Variants in POFUT3 observed in about 807,000 individuals in gnomAD.
POFUT3 encodes protein O-fucosyltransferase 3.
the POFUT3 span, among the ~76,000 whole-genome samples, chr8:33,378,439 A>C: frequency 0.021 from 3,208 of 152,200 alleles, 113 homozygotes; most frequent in African/African-American, 0.074. Context: ...GGAGGGGCAT[A>C]AACTCTCCCT....
the POFUT3 span, among the ~76,000 whole-genome samples, chr8:33,393,246 T>C: frequency 6.6e-6 from 1 of 152,210 alleles, no homozygotes; most frequent in Non-Finnish European, 1.5e-5. Flanking sequence ...GTATGTGCAA[T>C]TGGCTCACTA....
chr8:33,465,334 TTC>T, the POFUT3 span, among the ~76,000 whole-genome samples: 7 of 151,888 alleles, frequency 4.6e-5, no homozygotes, highest in Admixed American at 1.3e-4. Context: ...GGTATTATTA[TTC>T]CCAGTTCCCA....
the POFUT3 span, among the ~76,000 whole-genome samples, chr8:33,407,216 G>A: frequency 1.3e-5 from 2 of 152,186 alleles, no homozygotes; most frequent in African/African-American, 2.4e-5. Flanking sequence ...ACAGAAGAAC[G>A]TGTTCTGCTA....
the POFUT3 span, chr8:33,372,777 C>T: frequency 1.9e-6 from 3 of 1,614,008 alleles, no homozygotes; most frequent in East Asian, 2.2e-5. Context: ...TGGGTATCTT[C>T]TGCCTCCCAT....
At chr8:33,470,305 C>T in the POFUT3 span, among the ~76,000 whole-genome samples, 3 of 149,904 alleles carry the variant, frequency 2.0e-5, no homozygotes, top group African/African-American at 7.4e-5. Flanking sequence ...AGTCATAGTC[C>T]CAGCTACCAG....
chr8:33,409,921 A>C, the POFUT3 span, among the ~76,000 whole-genome samples: 3 of 152,124 alleles, frequency 2.0e-5, no homozygotes, highest in Non-Finnish European at 4.4e-5. Context: ...TAAAAAAAAA[A>C]CTATCAACTA....
At chr8:33,369,000 G>A in the POFUT3 span, among the ~76,000 whole-genome samples, 135 of 152,182 alleles carry the variant, frequency 8.9e-4, no homozygotes, top group African/African-American at 2.8e-3. Flanking sequence ...CAGCAATGGC[G>A]CCTAGTACAA....
the POFUT3 span, among the ~76,000 whole-genome samples, chr8:33,445,529 ATAAGGAAATCTTT>A: frequency 1.3e-5 from 2 of 152,140 alleles, no homozygotes; most frequent in African/African-American, 4.8e-5. Flanking sequence ...GGGTGGCGGT[ATAAGGAAATCTTT>A]CAAGGTTGCT....
chr8:33,401,396 A>G, the POFUT3 span, among the ~76,000 whole-genome samples: 10 of 152,356 alleles, frequency 6.6e-5, no homozygotes, highest in South Asian at 6.2e-4. Context: ...GTTCATGTCC[A>G]TGCAGGCATT....
the POFUT3 span, among the ~76,000 whole-genome samples, chr8:33,406,322 G>A: frequency 6.6e-6 from 1 of 152,024 alleles, no homozygotes; most frequent in African/African-American, 2.4e-5. Flanking sequence ...TAAAATTACA[G>A]GCTGAATTCA....
At chr8:33,385,642 G>A in the POFUT3 span, among the ~76,000 whole-genome samples, 103 of 152,226 alleles carry the variant, frequency 6.8e-4, 2 homozygotes, top group African/African-American at 2.4e-3. Flanking sequence ...GGCACTTTGG[G>A]AGGCCAAGGC....
chr8:33,325,570 G>A, the POFUT3 span, among the ~76,000 whole-genome samples: 1 of 151,988 alleles, frequency 6.6e-6, no homozygotes, highest in African/African-American at 2.4e-5. Context: ...ACTTCAACTG[G>A]GCTGTGTTGA....
chr8:33,439,652 G>A, the POFUT3 span, among the ~76,000 whole-genome samples: 1 of 151,936 alleles, frequency 6.6e-6, no homozygotes, highest in African/African-American at 2.4e-5. Context: ...TGGATCACAA[G>A]GTCAGGAATT....
chr8:33,355,656 C>A, the POFUT3 span, among the ~76,000 whole-genome samples: 1 of 151,160 alleles, frequency 6.6e-6, no homozygotes, highest in African/African-American at 2.4e-5. Context: ...AATAACAACA[C>A]ATTTATTTTT....
chr8:33,348,974 G>A, the POFUT3 span, among the ~76,000 whole-genome samples: 1 of 152,226 alleles, frequency 6.6e-6, no homozygotes, highest in Admixed American at 6.5e-5. Context: ...AGCATATAAA[G>A]GTTACACCAC....
the POFUT3 span, among the ~76,000 whole-genome samples, chr8:33,441,814 G>A: frequency 7.2e-5 from 11 of 152,196 alleles, no homozygotes; most frequent in Admixed American, 6.5e-4. Flanking sequence ...TCTGTGGGTC[G>A]GAGAATATGC....
the POFUT3 span, among the ~76,000 whole-genome samples, chr8:33,400,048 T>C: frequency 1.2e-4 from 18 of 151,168 alleles, no homozygotes; most frequent in South Asian, 1.3e-3. Flanking sequence ...CAAAAGATTA[T>C]ATGGGAAAAG....
At chr8:33,392,817 C>T in the POFUT3 span, among the ~76,000 whole-genome samples, 3 of 151,922 alleles carry the variant, frequency 2.0e-5, no homozygotes, top group Non-Finnish European at 4.4e-5. Flanking sequence ...AACCCCGTTT[C>T]TACTAAAAAT....
At chr8:33,389,692 T>TTCAAC in the POFUT3 span, 1 of 1,614,150 alleles carries the variant, frequency 6.2e-7, no homozygotes. Flanking sequence ...TGATCACTGG[T>TTCAAC]TTATGAAAGA....
Sources: gnomAD v4.1 joint callset for allele counts (sites outside exome capture counted in the v4.1 genomes callset) on GRCh38, gnomAD v4.1.1 for gene constraint, MANE v1.5 for transcripts, NCBI Gene and HGNC (gene_info 2026-07-23, HGNC 2026-07-21) for gene names.